Variants in PREX2 observed in about 807,000 individuals in gnomAD.
PREX2 encodes phosphatidylinositol 3,4,5-trisphosphate-dependent Rac exchanger 2 protein.
Under a neutral mutation model 203.2 loss-of-function variants are expected in PREX2, and 107 were observed. The ratio of observed to expected loss-of-function variants is 0.53; its 90% CI spans 0.45 to 0.62. The LOEUF is 0.62. Ranked by LOEUF, PREX2 falls within the 20% of genes least tolerant of loss-of-function variation. The probability of loss-of-function intolerance (pLI) is 0.00; values close to 1 mark genes in which losing one functional copy is unlikely to be tolerated. For synonymous variants in PREX2, 672 were observed against 663.6 expected (o/e 1.01, Z -0.19); for missense variants, 1,777 against 1,955.9 (o/e 0.91, Z 1.72).
At chr8:68,029,250 T>C (rs1807813253) in intron 5 of PREX2, among the ~76,000 whole-genome samples, 1 of 152,080 alleles carries the variant, frequency 6.6e-6, no homozygotes, top group Non-Finnish European at 1.5e-5. Context: ...TGAGTGATGG[T>C]TTTCTCTCAC....
chr8:68,174,077 T>C (rs1811933719), intron 35 of PREX2, among the ~76,000 whole-genome samples: 2 of 152,206 alleles, frequency 1.3e-5, no homozygotes, highest in African/African-American at 4.8e-5. Flanking sequence ...TTAGTCAAGC[T>C]CCTTCAGTGA....
intron 14 of PREX2, among the ~76,000 whole-genome samples, chr8:68,074,053 G>A (rs976093982): frequency 1.3e-5 from 2 of 151,696 alleles, no homozygotes; most frequent in African/African-American, 2.4e-5. Context: ...TGCAACTTTC[G>A]CCTCTGGGGT....
intron 18 of PREX2, among the ~76,000 whole-genome samples, chr8:68,083,919 G>A (rs775742464): frequency 1.3e-5 from 2 of 152,100 alleles, no homozygotes; most frequent in Non-Finnish European, 2.9e-5. Flanking sequence ...AGAAAATGTA[G>A]AGAATACAAA....
At chr8:68,087,187 T>TAG (rs1809718090) in intron 18 of PREX2, among the ~76,000 whole-genome samples, 1 of 152,210 alleles carries the variant, frequency 6.6e-6, no homozygotes, top group African/African-American at 2.4e-5. Context: ...TTAAGGAGCT[T>TAG]ATCTAAGTTA....
At position 68,093,719 on chromosome 8, in the gene PREX2, G is replaced by A. The variant is rs772643153; in HGVS notation, c.2365G>A (p.Glu789Lys). 6.5e-7 allele frequency: 1 copy of A among 1,530,092 alleles called. No homozygotes were observed. Among genetic ancestry groups the A allele is most frequent in the African/African-American group, 1.4e-5 (1 of 72,840 alleles). 94.8% of individuals were successfully genotyped at this position (1,530,092 alleles called of 1,614,324 possible). The stretch of plus-strand genomic sequence containing the variant: ...AGGGGATGCTTTTGACTGTAAAGTA[G>A]AAGGTAGGTTTCTTATTTTCTTCTT... ...EAGDAFDCKV[E>K]EVIDKFNTMA... Residue 789 changes from glutamate to lysine, a missense_variant, in exon 21 of 40, where the codon GAA becomes AAA. Glu to Lys is a moderately conservative substitution (Grantham distance 56, BLOSUM62 1). Coordinates refer to ENST00000288368, the MANE Select transcript of PREX2 (RefSeq NM_024870.4).
rs763026302 is a variant in PREX2 at position 68,083,218 on chromosome 8, T to G, written c.1879-22T>G. On this transcript the variant is annotated intron_variant, in intron 17 of 39. Coordinates refer to ENST00000288368, the MANE Select transcript of PREX2 (RefSeq NM_024870.4). ...TCTTATTAAAATATACTTTGACTTA[T>G]TTTTTGTAATTTCTCTCTTAGATGG... is the stretch of plus-strand genomic sequence containing the variant. The G allele has an allele frequency of 5.8e-6, 9 of 1,542,010 alleles. No individual in the cohort carries two copies. The African/African-American group carries it at 1.2e-4, about 20-fold the overall frequency.
chr8:68,112,538 C>T (rs1810555135), intron 25 of PREX2, among the ~76,000 whole-genome samples: 1 of 151,988 alleles, frequency 6.6e-6, no homozygotes, highest in Non-Finnish European at 1.5e-5. Context: ...ACTGAGGTTT[C>T]CCCAAGCATT....
At chr8:68,034,885 C>G (rs1769109120) in intron 6 of PREX2, among the ~76,000 whole-genome samples, 1 of 152,026 alleles carries the variant, frequency 6.6e-6, no homozygotes, top group South Asian at 2.1e-4. Context: ...AATTCATCTT[C>G]TACCTTGAGA....
At chr8:68,133,479 T>C (rs1030608437) in intron 31 of PREX2, among the ~76,000 whole-genome samples, 21 of 152,240 alleles carry the variant, frequency 1.4e-4, no homozygotes, top group Non-Finnish European at 8.8e-5. Flanking sequence ...TATTCTTATA[T>C]ATTAGAACAT....
intron 14 of PREX2, among the ~76,000 whole-genome samples, chr8:68,076,334 G>A (rs1472536980): frequency 1.3e-5 from 2 of 152,130 alleles, no homozygotes; most frequent in African/African-American, 4.8e-5. Flanking sequence ...GCATGCACCT[G>A]CAGTCTCAGC....
chr8:67,988,026 G>A (rs553722648), intron 1 of PREX2, among the ~76,000 whole-genome samples: 46 of 152,226 alleles, frequency 3.0e-4, no homozygotes, highest in African/African-American at 1.1e-3. Context: ...TGAATAACCC[G>A]TTTCATTTTT....
In PREX2 at chr8:68,168,090, T is replaced by C. The variant is rs1363978324; in HGVS notation, c.4346+10654T>C. ...TGCTTTATTTATGGTTATTACAGAA[T>C]TCAGTGTTCCTCGAAAATGATACAG... is the stretch of plus-strand genomic sequence containing the variant. On this transcript the variant is annotated intron_variant, in intron 35 of 39. Coordinates refer to ENST00000288368, the MANE Select transcript of PREX2 (RefSeq NM_024870.4). Among the ~76,000 whole-genome samples the C allele has an allele frequency of 2.0e-5, 3 of 152,240 alleles. No individual in the cohort carries two copies. The East Asian group carries it at 5.8e-4, about 29-fold the overall frequency.
intron 31 of PREX2, among the ~76,000 whole-genome samples, chr8:68,133,032 G>A (rs559102286): frequency 3.9e-5 from 6 of 152,262 alleles, no homozygotes; most frequent in South Asian, 2.1e-4. Flanking sequence ...CTTTATAAAG[G>A]AAAGAAGTTT....
intron 23 of PREX2, chr8:68,105,178 A>G (rs1446250543): frequency 7.3e-7 from 1 of 1,367,592 alleles, no homozygotes; most frequent in East Asian, 4.5e-5. Flanking sequence ...ACAGCACGGC[A>G]TGCTGTCTGG....
chr8:68,044,545 A>G lies in PREX2; in HGVS notation c.898A>G (p.Ile300Val). ...DGHRYLFRGR[I>V]NTEVMEVENV... ...ACATCGGTACCTTTTTCGTGGCCGG[A>G]TCAACACGGAGGTGATGGAAGTGGA... is the stretch of plus-strand genomic sequence containing the variant. Residue 300 changes from isoleucine to valine, a missense_variant, in exon 8 of 40, where the codon ATC (isoleucine) becomes GTC (valine). Transcript: ENST00000288368. 6.2e-7 allele frequency: 1 copy of G among 1,613,248 alleles called. No homozygotes were observed. The highest frequency in any genetic ancestry group is 8.5e-7 in the Non-Finnish European group (1 of 1,179,406).
chr8:68,232,495 T>G lies in PREX2; in HGVS notation c.*1117T>G, dbSNP rs1563598234. ...ATTGTTTTTAGCATAGTAAATACAGTAATATTTATTTTAAATCCATAATTT... is the reference window on the plus strand; with the variant it reads ...ATTGTTTTTAGCATAGTAAATACAGGAATATTTATTTTAAATCCATAATTT... On this transcript the variant is annotated 3_prime_UTR_variant, in exon 40 of 40. Coordinates refer to ENST00000288368, the MANE Select transcript of PREX2 (RefSeq NM_024870.4). 6.6e-6 allele frequency: 1 copy of G among 152,230 alleles called. No homozygotes were observed. The highest frequency in any genetic ancestry group is 1.5e-5 in the Non-Finnish European group (1 of 68,038). 9.4% of individuals were successfully genotyped at this position (152,230 alleles called of 1,614,324 possible). A position where few individuals can be genotyped will look rare whatever the true frequency, so the allele number is the denominator to read the frequency against.
chr8:68,127,336 G>C, intron 30 of PREX2, 42 bp from the exon 31 acceptor site: 6 of 1,478,710 alleles, frequency 4.1e-6, no homozygotes, highest in Non-Finnish European at 4.7e-6. Context: ...ATTTGTGACA[G>C]AAAGAGTGAA....
At chr8:68,019,698 A>G in intron 3 of PREX2, 27 bp downstream of exon 3, 2 of 1,590,862 alleles carry the variant, frequency 1.3e-6, no homozygotes, top group Non-Finnish European at 1.7e-6. Context: ...TTTATTTTAA[A>G]AGTTCTTTTC....
chr8:68,116,599 G>T (rs536284110), intron 26 of PREX2, among the ~76,000 whole-genome samples: 3 of 152,108 alleles, frequency 2.0e-5, no homozygotes, highest in African/African-American at 7.2e-5. Flanking sequence ...TCCTTGACGC[G>T]TAAACGGCCA....
Sources: allele counts gnomAD v4.1 joint callset (sites outside exome capture counted in the v4.1 genomes callset), GRCh38; gene constraint gnomAD v4.1.1; transcripts MANE v1.5; gene names NCBI Gene and HGNC (gene_info 2026-07-23, HGNC 2026-07-21).